Variants in ENOX1 observed in about 807,000 individuals in gnomAD.
The protein encoded by ENOX1 is candidate growth-related and time keeping constitutive hydroquinone (NADH) oxidase.
Under a neutral mutation model 82.5 loss-of-function variants are expected in ENOX1, and 42 were observed. That is an observed-to-expected ratio of 0.51 (90% CI 0.40 to 0.66). The LOEUF is 0.66. Among genes scored for constraint, ENOX1 ranks in the 30% least tolerant of loss-of-function variants. The pLI is 0.00. For synonymous variants in ENOX1, 271 were observed against 282.2 expected (o/e 0.96, Z 0.40); for missense variants, 608 against 811.6 (o/e 0.75, Z 3.05).
chr13:43,774,522 T>C (rs1318928353), intron 1 of ENOX1, among the ~76,000 whole-genome samples: 1 of 152,206 alleles, frequency 6.6e-6, no homozygotes, highest in Non-Finnish European at 1.5e-5. Flanking sequence ...GAACCCTAAT[T>C]TGTCCATGAG....
chr13:43,723,440 T>G (rs765425552), intron 1 of ENOX1, among the ~76,000 whole-genome samples: 5 of 152,146 alleles, frequency 3.3e-5, no homozygotes, highest in Non-Finnish European at 5.9e-5. Context: ...ATTCTACCTG[T>G]TAGGATTGTT....
intron 6 of ENOX1, among the ~76,000 whole-genome samples, chr13:43,360,850 G>A (rs1027435833): frequency 6.6e-6 from 1 of 152,170 alleles, no homozygotes; most frequent in African/African-American, 2.4e-5. Context: ...CAGAAACTCT[G>A]AGATGCAGGC....
At chr13:43,267,703 T>C (rs76666526) in intron 13 of ENOX1, among the ~76,000 whole-genome samples, 1,756 of 152,276 alleles carry the variant, frequency 0.012, 34 homozygotes, top group African/African-American at 0.04. Context: ...GAAAGAAACC[T>C]GTACCCTGCA....
intron 1 of ENOX1, among the ~76,000 whole-genome samples, chr13:43,668,902 C>T (rs1348037300): frequency 1.3e-5 from 2 of 152,160 alleles, no homozygotes; most frequent in Non-Finnish European, 2.9e-5. Flanking sequence ...AGCCAACTAC[C>T]TTATTTCAAA....
intron 14 of ENOX1, among the ~76,000 whole-genome samples, chr13:43,259,313 A>G (rs544847032): frequency 2.2e-4 from 34 of 152,328 alleles, no homozygotes; most frequent in African/African-American, 7.5e-4. Context: ...AAGTGATGTC[A>G]GGCTGTGTGG....
chr13:43,735,779 T>A (rs1475902326), intron 1 of ENOX1, among the ~76,000 whole-genome samples: 5 of 151,420 alleles, frequency 3.3e-5, no homozygotes, highest in Admixed American at 2.6e-4. Context: ...AGACCAGGGA[T>A]AAAAATAATT....
chr13:43,397,871 A>G (rs991009039), intron 5 of ENOX1, among the ~76,000 whole-genome samples: 3 of 152,242 alleles, frequency 2.0e-5, no homozygotes, highest in Admixed American at 2.0e-4. Flanking sequence ...GGTAGCTTAT[A>G]AACAACAGAA....
chr13:43,503,969 T>G (rs979304806), intron 2 of ENOX1, among the ~76,000 whole-genome samples: 8 of 151,670 alleles, frequency 5.3e-5, no homozygotes, highest in African/African-American at 1.9e-4. Flanking sequence ...AAAGGGTTAA[T>G]GTCAAAAATA....
intron 12 of ENOX1, among the ~76,000 whole-genome samples, chr13:43,293,653 G>A (rs180850118): frequency 5.9e-5 from 9 of 152,278 alleles, no homozygotes; most frequent in East Asian, 1.9e-4. Context: ...TAAAAAAAAC[G>A]TACTTACTAA....
intron 16 of ENOX1, among the ~76,000 whole-genome samples, chr13:43,219,040 G>T (rs1378842573): frequency 6.6e-6 from 1 of 152,112 alleles, no homozygotes; most frequent in African/African-American, 2.4e-5. Context: ...AGACCTCACT[G>T]GCTGAGCTCT....
At chr13:43,488,139 G>A (rs1464971319) in intron 2 of ENOX1, among the ~76,000 whole-genome samples, 1 of 152,166 alleles carries the variant, frequency 6.6e-6, no homozygotes, top group South Asian at 2.1e-4. Context: ...AGCCATGGAA[G>A]GTCTAATCAA....
At chr13:43,563,254 A>G (rs745896441) in intron 2 of ENOX1, among the ~76,000 whole-genome samples, 1 of 152,208 alleles carries the variant, frequency 6.6e-6, no homozygotes, top group East Asian at 1.9e-4. Flanking sequence ...AAGTATACAA[A>G]CACATGGAAA....
At chr13:43,520,138 T>C (rs1000684339) in intron 2 of ENOX1, among the ~76,000 whole-genome samples, 7 of 152,156 alleles carry the variant, frequency 4.6e-5, no homozygotes, top group South Asian at 2.1e-4. Flanking sequence ...AATAAATAAG[T>C]GCACTCTAGT....
At chr13:43,277,820 G>T (rs1445866673) in intron 12 of ENOX1, among the ~76,000 whole-genome samples, 1 of 152,140 alleles carries the variant, frequency 6.6e-6, no homozygotes, top group Non-Finnish European at 1.5e-5. Context: ...AAAAATCCAA[G>T]AATCTTTGAG....
intron 2 of ENOX1, among the ~76,000 whole-genome samples, chr13:43,503,824 A>G (rs1268928453): frequency 6.6e-6 from 1 of 151,768 alleles, no homozygotes; most frequent in Non-Finnish European, 1.5e-5. Context: ...ACAGGCAACA[A>G]GAGCAAGCAA....
At chr13:43,470,376 A>ATATATG (rs1566308142) in intron 3 of ENOX1, among the ~76,000 whole-genome samples, 2 of 46,152 alleles carry the variant, frequency 4.3e-5, no homozygotes, top group African/African-American at 1.6e-4. Context: ...GTATATATAT[A>ATATATG]CATATATATA....
At chr13:43,505,223 T>G (rs2077111848) in intron 2 of ENOX1, among the ~76,000 whole-genome samples, 1 of 151,804 alleles carries the variant, frequency 6.6e-6, no homozygotes, top group Non-Finnish European at 1.5e-5. Context: ...CAAATAGCCA[T>G]AAATCTACAA....
chr13:43,463,238 G>T (rs7986166), intron 3 of ENOX1, among the ~76,000 whole-genome samples: 72,893 of 151,930 alleles, frequency 0.48, 17,982 homozygotes, highest in African/African-American at 0.53. Context: ...CAGATTATCT[G>T]ATTCTTTGTT....
chr13:43,412,885 G>A lies in ENOX1; in HGVS notation c.30C>T (p.Ile10=). 6.2e-7 allele frequency: 1 copy of A among 1,614,092 alleles called. No homozygotes were observed. The highest frequency in any genetic ancestry group is 1.7e-4 in the Middle Eastern group (1 of 6,030). The part of the protein sequence containing the change: MVDAGGVEN[I]TQLPQELPQM... Reference sequence around the variant, plus strand: ...GAGGAAGCTCCTGGGGAAGCTGGGTGATGTTCTCAACTCCACCTGCATCTA... The same window carrying A: ...GAGGAAGCTCCTGGGGAAGCTGGGTAATGTTCTCAACTCCACCTGCATCTA... The change falls in exon 4 of 17, where the codon ATC becomes ATT. Residue 10 remains isoleucine, a synonymous_variant. Coordinates refer to ENST00000690772, the MANE Select transcript of ENOX1 (RefSeq NM_001347969.2).
Sources: gnomAD v4.1 joint callset for allele counts (sites outside exome capture counted in the v4.1 genomes callset) on GRCh38, gnomAD v4.1.1 for gene constraint, MANE v1.5 for transcripts, NCBI Gene and HGNC (gene_info 2026-07-23, HGNC 2026-07-21) for gene names.